Variants in ATXN7L1 observed in about 807,000 individuals in gnomAD.
ATXN7L1 encodes the protein ataxin 7 like 1, also known as ataxin-7-like protein 1.
Under a neutral mutation model 70.8 loss-of-function variants are expected in ATXN7L1, and 15 were observed. The ratio of observed to expected loss-of-function variants is 0.21; its 90% CI spans 0.14 to 0.33. The LOEUF (loss-of-function observed/expected upper bound fraction) is 0.33. Among genes scored for constraint, ATXN7L1 ranks in the 10% least tolerant of loss-of-function variants. The pLI, the probability that ATXN7L1 is intolerant of heterozygous loss-of-function variation, is 1.00. For synonymous variants in ATXN7L1, 440 were observed against 445.1 expected (o/e 0.99, Z 0.14); for missense variants, 975 against 1,097.1 (o/e 0.89, Z 1.57).
intron 2 of ATXN7L1, among the ~76,000 whole-genome samples, chr7:105,796,970 T>C (rs1277316268): frequency 6.6e-6 from 1 of 152,208 alleles, no homozygotes; most frequent in African/African-American, 2.4e-5. Flanking sequence ...GATCACTTTC[T>C]GTTTCTCAGA....
intron 3 of ATXN7L1, among the ~76,000 whole-genome samples, chr7:105,724,152 T>C (rs941414472): frequency 2.6e-5 from 4 of 152,174 alleles, no homozygotes; most frequent in African/African-American, 9.7e-5. Context: ...TCTGAAATCA[T>C]GGTGTTGGCA....
intron 2 of ATXN7L1, among the ~76,000 whole-genome samples, chr7:105,799,146 A>G (rs1454965893): frequency 6.6e-6 from 1 of 152,250 alleles, no homozygotes; most frequent in Non-Finnish European, 1.5e-5. Context: ...GAGTCCATAA[A>G]GAAGCCCTCC....
intron 3 of ATXN7L1, among the ~76,000 whole-genome samples, chr7:105,748,979 C>T (rs1798886078): frequency 6.6e-6 from 1 of 152,180 alleles, no homozygotes; most frequent in Non-Finnish European, 1.5e-5. Flanking sequence ...AGAGACAATG[C>T]TTGGGCACCA....
At chr7:105,765,890 A>G (rs1287904291) in intron 3 of ATXN7L1, among the ~76,000 whole-genome samples, 1 of 152,080 alleles carries the variant, frequency 6.6e-6, no homozygotes, top group Non-Finnish European at 1.5e-5. Context: ...CTGTAATACT[A>G]TCAGAGTAGA....
chr7:105,609,643 G>A (rs1307926864), intron 11 of ATXN7L1, among the ~76,000 whole-genome samples: 1 of 151,262 alleles, frequency 6.6e-6, no homozygotes, highest in Non-Finnish European at 1.5e-5. Flanking sequence ...TAAAATTTTT[G>A]TAGAGATAGG....
intron 2 of ATXN7L1, among the ~76,000 whole-genome samples, chr7:105,850,913 G>GC (rs1242915497): frequency 6.6e-6 from 1 of 152,068 alleles, no homozygotes; most frequent in Non-Finnish European, 1.5e-5. Context: ...AGCCATCTCT[G>GC]CCCCCAGGAT....
chr7:105,692,404 T>TC lies in ATXN7L1; in HGVS notation c.356-27117dup, dbSNP rs1280124385. Among the ~76,000 whole-genome samples, 589 of 125,418 alleles carry TC rather than the reference T, an allele frequency of 4.7e-3. 4 individuals are homozygous for TC. Among genetic ancestry groups the TC allele is most frequent in the East Asian group, 0.015 (63 of 4,242 alleles). 82.3% of individuals were successfully genotyped at this position (125,418 alleles called of 152,430 possible). On this transcript the variant is annotated intron_variant, in intron 3 of 11. Transcript: ENST00000419735. ...TTCCTTCCTTCCTTCCTTCCTTCCTTCCTTCCTTCCTTCCTTCCTTCCTCC... is the reference window on the plus strand; with the variant it reads ...TTCCTTCCTTCCTTCCTTCCTTCCTTCCCTTCCTTCCTTCCTTCCTTCCTCC...
chr7:105,839,117 T>C (rs6970682), intron 2 of ATXN7L1, among the ~76,000 whole-genome samples: 4,568 of 152,162 alleles, frequency 0.03, 245 homozygotes, highest in African/African-American at 0.1. Context: ...CATTCAGCTG[T>C]GGGTGTTCTA....
intron 2 of ATXN7L1, among the ~76,000 whole-genome samples, chr7:105,829,391 CGA>C (rs1430732730): frequency 6.6e-6 from 1 of 152,092 alleles, no homozygotes. Flanking sequence ...TGCAATGAGC[CGA>C]GATCAGGCCA....
intron 2 of ATXN7L1, among the ~76,000 whole-genome samples, chr7:105,795,505 C>G (rs953348256): frequency 3.3e-5 from 5 of 152,286 alleles, no homozygotes; most frequent in African/African-American, 1.2e-4. Flanking sequence ...ATGCTGCGTG[C>G]CTTTGAATTT....
At chr7:105,784,458 A>ACT (rs1803984520) in intron 3 of ATXN7L1, among the ~76,000 whole-genome samples, 1 of 151,526 alleles carries the variant, frequency 6.6e-6, no homozygotes, top group African/African-American at 2.4e-5. Flanking sequence ...ACACACACAC[A>ACT]CTTTTTTCAA....
At chr7:105,695,338 C>T (rs893354912) in intron 3 of ATXN7L1, among the ~76,000 whole-genome samples, 1 of 152,172 alleles carries the variant, frequency 6.6e-6, no homozygotes, top group Non-Finnish European at 1.5e-5. Context: ...CCTCAATTTT[C>T]TCAACATTCC....
Position 105,834,348 on chromosome 7 carries a change from T to C in ATXN7L1, c.250+41464A>G, listed in dbSNP as rs1812061351. 4.6e-5 allele frequency among the ~76,000 whole-genome samples: 7 copies of C among 152,216 alleles called. No individual in the cohort carries two copies. In the South Asian group the frequency reaches 1.4e-3, roughly 32 times the overall value. On this transcript the variant is annotated intron_variant, in intron 2 of 11. Transcript: ENST00000419735. ...TGAGCCACCACGCCTGGCCTCATCA[T>C]TGACTTTGAAAGCTTGGCTTCACCC... is the stretch of plus-strand genomic sequence containing the variant.
intron 2 of ATXN7L1, among the ~76,000 whole-genome samples, chr7:105,812,166 T>C (rs958812834): frequency 2.0e-5 from 3 of 152,208 alleles, no homozygotes; most frequent in African/African-American, 7.2e-5. Context: ...TGGGGATGTC[T>C]GTCTCTGTAC....
chr7:105,777,570 T>C (rs368239059), intron 3 of ATXN7L1, among the ~76,000 whole-genome samples: 7 of 152,340 alleles, frequency 4.6e-5, no homozygotes, highest in African/African-American at 1.7e-4. Flanking sequence ...ACTCTTCCCT[T>C]TCCAATCTAA....
intron 2 of ATXN7L1, among the ~76,000 whole-genome samples, chr7:105,808,812 A>G (rs1437372928): frequency 6.6e-6 from 1 of 152,180 alleles, no homozygotes; most frequent in Non-Finnish European, 1.5e-5. Context: ...CACCATTTTG[A>G]AAAATGACTT....
rs1186692273 is a variant in ATXN7L1, at chr7:105,715,113, C to T, written c.356-49825G>A. The stretch of plus-strand genomic sequence containing the variant: ...AGGTCTTCTTACAATAGTAGTAAGA[C>T]CATAAGTGTAACTTGAAGTATAGAC... On this transcript the variant is annotated intron_variant, in intron 3 of 11. Coordinates refer to ENST00000419735, the MANE Select transcript of ATXN7L1 (RefSeq NM_020725.2). Among the ~76,000 whole-genome samples the T allele has an allele frequency of 2.0e-5, 3 of 152,256 alleles. No individual in the cohort carries two copies. In the East Asian group the frequency reaches 5.8e-4, roughly 29 times the overall value.
intron 3 of ATXN7L1, among the ~76,000 whole-genome samples, chr7:105,696,417 A>G (rs1269515483): frequency 6.6e-6 from 1 of 152,226 alleles, no homozygotes; most frequent in Non-Finnish European, 1.5e-5. Flanking sequence ...ACATAAAGTG[A>G]GGAGAATATT....
intron 2 of ATXN7L1, among the ~76,000 whole-genome samples, chr7:105,852,914 C>T (rs968643500): frequency 6.6e-6 from 1 of 152,036 alleles, no homozygotes; most frequent in African/African-American, 2.4e-5. Flanking sequence ...ATCGATTAAC[C>T]TTGGAAACAT....
Sources: gnomAD v4.1 joint callset for allele counts (sites outside exome capture counted in the v4.1 genomes callset) on GRCh38, gnomAD v4.1.1 for gene constraint, MANE v1.5 for transcripts, NCBI Gene and HGNC (gene_info 2026-07-23, HGNC 2026-07-21) for gene names.